KLRG1: variants seen among roughly 807,000 people sequenced by gnomAD.
KLRG1 encodes the protein killer cell lectin-like receptor subfamily G member 1.
KLRG1 carries 16 observed loss-of-function variants against 21.8 expected under a neutral mutation model. The ratio of observed to expected loss-of-function variants is 0.73; its 90% confidence interval spans 0.50 to 1.11. KLRG1 has a LOEUF of 1.11. Among genes scored for constraint, KLRG1 ranks in the 50% most tolerant of loss-of-function variants. The probability of loss-of-function intolerance (pLI) is 0.00; values close to 1 mark genes in which losing one functional copy is unlikely to be tolerated. For missense variants in KLRG1, 173 were observed against 218.3 expected (o/e 0.79, Z 1.31); for synonymous variants, 69 against 75.9 (o/e 0.91, Z 0.47).
chr12:9,197,463 AAT>A, the KLRG1 span, among the ~76,000 whole-genome samples: 1 of 131,352 alleles, frequency 7.6e-6, no homozygotes, highest in African/African-American at 3.0e-5. Context: ...AATATATAAT[AAT>A]ATAATATATA....
chr12:8,968,903 C>T (rs1490333917), intron 1 of KLRG1, among the ~76,000 whole-genome samples: 1 of 152,122 alleles, frequency 6.6e-6, no homozygotes, highest in Non-Finnish European at 1.5e-5. Flanking sequence ...TTGAATTGAA[C>T]AAAAATGAAA....
At chr12:9,055,994 T>C in the KLRG1 span, among the ~76,000 whole-genome samples, 1 of 152,218 alleles carries the variant, frequency 6.6e-6, no homozygotes, top group Non-Finnish European at 1.5e-5. Context: ...TACCTTGCAG[T>C]ATGATAAATC....
chr12:9,072,736 G>A, the KLRG1 span: 1 of 1,614,198 alleles, frequency 6.2e-7, no homozygotes, highest in Non-Finnish European at 8.5e-7. Flanking sequence ...TGCAGTAACA[G>A]GCGGTTGTTG....
chr12:9,074,577 C>T, the KLRG1 span: 2 of 1,611,376 alleles, frequency 1.2e-6, no homozygotes, highest in Non-Finnish European at 1.7e-6. Flanking sequence ...GAGGAGAAAC[C>T]GCCCTGGGCA....
chr12:9,192,202 A>C, the KLRG1 span: 1 of 1,613,546 alleles, frequency 6.2e-7, no homozygotes, highest in South Asian at 1.1e-5. Flanking sequence ...CTGTCTCCTG[A>C]CTCCACAGGC....
chr12:9,140,799 G>A, the KLRG1 span, among the ~76,000 whole-genome samples: 8 of 152,138 alleles, frequency 5.3e-5, no homozygotes, highest in Non-Finnish European at 1.0e-4. Flanking sequence ...CCTGTACAGG[G>A]ACTGTGCACA....
the KLRG1 span, among the ~76,000 whole-genome samples, chr12:9,199,957 C>T: frequency 2.6e-5 from 4 of 152,110 alleles, no homozygotes; most frequent in African/African-American, 7.2e-5. Flanking sequence ...ATTTTTAGGA[C>T]AATTGAAGAT....
chr12:9,059,985 A>C, the KLRG1 span, among the ~76,000 whole-genome samples: 1 of 141,682 alleles, frequency 7.1e-6, no homozygotes, highest in Non-Finnish European at 1.5e-5. Flanking sequence ...GTGCCCAGCC[A>C]GCCCTGGCAT....
chr12:9,154,871 C>T, the KLRG1 span: 1 of 1,567,194 alleles, frequency 6.4e-7, no homozygotes. Flanking sequence ...ATAATTGTAA[C>T]TCATCAATAA....
chr12:9,214,623 T>A, the KLRG1 span, among the ~76,000 whole-genome samples: 1 of 152,150 alleles, frequency 6.6e-6, no homozygotes, highest in South Asian at 2.1e-4. Flanking sequence ...AAATGACATA[T>A]TGTTTTTAGA....
chr12:9,180,332 G>A, the KLRG1 span, among the ~76,000 whole-genome samples: 2 of 152,004 alleles, frequency 1.3e-5, no homozygotes, highest in Admixed American at 1.3e-4. Flanking sequence ...AAAAGAGCCC[G>A]CATCGCCAAG....
the KLRG1 span, among the ~76,000 whole-genome samples, chr12:9,070,211 A>G: frequency 1.3e-5 from 2 of 152,128 alleles, no homozygotes; most frequent in African/African-American, 4.8e-5. Context: ...GTTCGTGTTC[A>G]TATCTTTTAT....
chr12:9,054,482 A>G, the KLRG1 span, among the ~76,000 whole-genome samples: 1 of 152,204 alleles, frequency 6.6e-6, no homozygotes, highest in Admixed American at 6.5e-5. Flanking sequence ...TATAGGGTAC[A>G]TGTATTTTTA....
rs531767409 is a variant in KLRG1, at chr12:8,979,963, C to T, written c.-155-12243C>T. 1.4e-4 allele frequency among the ~76,000 whole-genome samples: 21 copies of T among 152,172 alleles called. No individual in the cohort carries two copies. In the East Asian group the frequency reaches 2.7e-3, roughly 20 times the overall value. The stretch of plus-strand genomic sequence containing the variant: ...TTGCCCAGGCTGGAGTGCAGTAGTG[C>T]GATCATGGCTCACTGCAACCTCTGC... On this transcript the variant is annotated intron_variant, in intron 1 of 4. Transcript: ENST00000539240.
the KLRG1 span, among the ~76,000 whole-genome samples, chr12:9,065,454 T>A: frequency 2.0e-5 from 3 of 152,150 alleles, no homozygotes; most frequent in Non-Finnish European, 4.4e-5. Flanking sequence ...GGGCCGAGCC[T>A]GGGTACTGTC....
Position 9,008,562 on chromosome 12 carries a change from G to C in KLRG1, c.358-413G>C, listed in dbSNP as rs147649482. ...ATGTTTCTCTCTCTCAGTTCTGAAGGCTGGAAAATCCAACATCAAGGTTCT... is the reference window on the plus strand; with the variant it reads ...ATGTTTCTCTCTCTCAGTTCTGAAGCCTGGAAAATCCAACATCAAGGTTCT... On this transcript the variant is annotated intron_variant, in intron 3 of 4. Transcript: ENST00000356986. 3.3e-3 allele frequency among the ~76,000 whole-genome samples: 497 copies of C among 151,928 alleles called. 2 individuals are homozygous for C. The highest frequency in any genetic ancestry group is 6.8e-3 in the Middle Eastern group (2 of 292).
At chr12:9,005,870 C>T (rs1398769685) in intron 3 of KLRG1, among the ~76,000 whole-genome samples, 1 of 152,200 alleles carries the variant, frequency 6.6e-6, no homozygotes, top group Non-Finnish European at 1.5e-5. Context: ...GAATCCAATG[C>T]CACCGCTGAT....
At chr12:9,101,592 A>G in the KLRG1 span, 1 of 1,614,032 alleles carries the variant, frequency 6.2e-7, no homozygotes, top group African/African-American at 1.3e-5. Flanking sequence ...GGAGAACACA[A>G]GATAAGCAGT....
At chr12:8,961,196 GCTTGCTACA>G (rs1194863198) in intron 1 of KLRG1, among the ~76,000 whole-genome samples, 1 of 152,168 alleles carries the variant, frequency 6.6e-6, no homozygotes, top group Non-Finnish European at 1.5e-5. Flanking sequence ...ATCTCATGTT[GCTTGCTACA>G]CTGTAAATAG....
Sources: gnomAD v4.1 joint callset for allele counts (sites outside exome capture counted in the v4.1 genomes callset) on GRCh38, gnomAD v4.1.1 for gene constraint, MANE v1.5 for transcripts, NCBI Gene and HGNC (gene_info 2026-07-23, HGNC 2026-07-21) for gene names.